JARID2: variants seen among roughly 807,000 people sequenced by gnomAD.
JARID2 encodes jumonji and AT-rich interaction domain containing 2.
JARID2 carries 21 observed loss-of-function variants against 125.6 expected under a neutral mutation model. That is an observed-to-expected ratio of 0.17 (90% CI 0.12 to 0.24). The LOEUF (loss-of-function observed/expected upper bound fraction) is 0.24. Among genes scored for constraint, JARID2 ranks in the 10% least tolerant of loss-of-function variants. The pLI is 1.00. For synonymous variants in JARID2, 736 were observed against 661.6 expected, an observed-to-expected ratio of 1.11 and a Z score of -1.73; for missense variants, 1,303 against 1,639.6, an observed-to-expected ratio of 0.79 and a Z score of 3.55.
intron 5 of JARID2, among the ~76,000 whole-genome samples, chr6:15,486,346 C>G (rs1476343800): frequency 6.6e-6 from 1 of 152,244 alleles, no homozygotes; most frequent in Non-Finnish European, 1.5e-5. Flanking sequence ...CCAAGCATCC[C>G]TGTTCTCTTT....
At chr6:15,386,140 T>C (rs539084378) in intron 2 of JARID2, among the ~76,000 whole-genome samples, 36 of 152,262 alleles carry the variant, frequency 2.4e-4, no homozygotes, top group African/African-American at 8.7e-4. Context: ...GGGCCTTAGG[T>C]GTTAAGCAGC....
chr6:15,369,374 A>G, intron 1 of JARID2: 1 of 407,936 alleles, frequency 2.5e-6, no homozygotes, highest in Non-Finnish European at 5.0e-6. Context: ...TTGATAAGAA[A>G]TTCTATTATT....
At chr6:15,297,708 C>T (rs73361549) in intron 1 of JARID2, among the ~76,000 whole-genome samples, 4,182 of 152,144 alleles carry the variant, frequency 0.027, 203 homozygotes, top group African/African-American at 0.095. Context: ...CTCATCCTTT[C>T]CTTTACAGGA....
intron 3 of JARID2, among the ~76,000 whole-genome samples, chr6:15,412,616 T>C (rs1219016760): frequency 2.0e-5 from 3 of 152,196 alleles, no homozygotes; most frequent in Non-Finnish European, 4.4e-5. Flanking sequence ...CATGCATTTC[T>C]TGGGGTGTTG....
chr6:15,483,517 A>G (rs1053531876), intron 5 of JARID2, among the ~76,000 whole-genome samples: 1 of 152,152 alleles, frequency 6.6e-6, no homozygotes, highest in Non-Finnish European at 1.5e-5. Flanking sequence ...TTTTAAAAAT[A>G]TATTTTGTTG....
intron 1 of JARID2, among the ~76,000 whole-genome samples, chr6:15,257,956 G>A (rs1759730998): frequency 6.6e-6 from 1 of 152,210 alleles, no homozygotes; most frequent in African/African-American, 2.4e-5. Context: ...GCTCCAGAAG[G>A]GAAGGGAAAG....
chr6:15,422,451 G>A (rs1766539063), intron 3 of JARID2, among the ~76,000 whole-genome samples: 1 of 152,168 alleles, frequency 6.6e-6, no homozygotes. Context: ...GTCTGAGGTT[G>A]GATAGCACAG....
chr6:15,275,414 C>T (rs962406995), intron 1 of JARID2, among the ~76,000 whole-genome samples: 2 of 151,806 alleles, frequency 1.3e-5, no homozygotes, highest in African/African-American at 4.8e-5. Flanking sequence ...AATTCACAGT[C>T]ACCTGTAATT....
chr6:15,497,691 C>T (rs1238950715), intron 7 of JARID2, among the ~76,000 whole-genome samples: 1 of 150,604 alleles, frequency 6.6e-6, no homozygotes, highest in Non-Finnish European at 1.5e-5. Flanking sequence ...CTGGGGTGAG[C>T]CCCCACTCTG....
At chr6:15,285,107 T>G (rs1163692873) in intron 1 of JARID2, among the ~76,000 whole-genome samples, 25 of 65,506 alleles carry the variant, frequency 3.8e-4, no homozygotes, top group South Asian at 1.2e-3. Context: ...TCTTTCTGGG[T>G]TTTTTTTTTT....
chr6:15,496,478 G>T lies in JARID2; in HGVS notation c.1253G>T (p.Cys418Phe). The part of the protein sequence containing the change: ...KVSGRLNPKS[C>F]TKEVGGRQLR... ...AGTGGCAGGTTGAACCCAAAGTCAT[G>T]CACTAAGGAGGTGGGGGGGCGGCAG... The change falls in exon 7 of 18, where the codon TGC becomes TTC. Residue 418 changes from cysteine (C) to phenylalanine (F), a missense_variant. Cys to Phe is a radical substitution (Grantham distance 205). Transcript: ENST00000341776. The T allele has an allele frequency of 6.2e-7, 1 of 1,612,350 alleles. No homozygotes were observed. Among genetic ancestry groups the T allele is most frequent in the Non-Finnish European group, 8.5e-7 (1 of 1,179,144 alleles).
At chr6:15,281,262 G>A (rs1196774769) in intron 1 of JARID2, among the ~76,000 whole-genome samples, 2 of 152,176 alleles carry the variant, frequency 1.3e-5, no homozygotes, top group South Asian at 4.1e-4. Flanking sequence ...GGTGAACTAC[G>A]AAGTCATTTT....
chr6:15,292,394 A>G (rs1761260877), intron 1 of JARID2, among the ~76,000 whole-genome samples: 1 of 152,140 alleles, frequency 6.6e-6, no homozygotes, highest in South Asian at 2.1e-4. Flanking sequence ...TTTTCTATAC[A>G]GTGAATGTAC....
At chr6:15,256,747 G>A (rs1759680592) in intron 1 of JARID2, among the ~76,000 whole-genome samples, 1 of 152,162 alleles carries the variant, frequency 6.6e-6, no homozygotes, top group Admixed American at 6.5e-5. Context: ...CTGTTGGCTG[G>A]TCTCCTCGCA....
chr6:15,469,879 G>A (rs1276163510), intron 5 of JARID2, among the ~76,000 whole-genome samples: 1 of 152,086 alleles, frequency 6.6e-6, no homozygotes, highest in Non-Finnish European at 1.5e-5. Context: ...GGGAATGAGA[G>A]TAAGAAAAGA....
At chr6:15,483,877 A>C (rs868170537) in intron 5 of JARID2, among the ~76,000 whole-genome samples, 1 of 152,184 alleles carries the variant, frequency 6.6e-6, no homozygotes, top group Non-Finnish European at 1.5e-5. Context: ...TGAGGGTTAC[A>C]GTTTCTCCAC....
At chr6:15,517,862 T>G (rs1039101361) in intron 17 of JARID2, among the ~76,000 whole-genome samples, 1 of 152,236 alleles carries the variant, frequency 6.6e-6, no homozygotes, top group Non-Finnish European at 1.5e-5. Flanking sequence ...CCACGTGTGC[T>G]TCCCACAGAC....
At chr6:15,254,347 C>T (rs1348411032) in intron 1 of JARID2, among the ~76,000 whole-genome samples, 1 of 152,078 alleles carries the variant, frequency 6.6e-6, no homozygotes, top group South Asian at 2.1e-4. Flanking sequence ...TTGACTTTTT[C>T]TTGTACTTGT....
intron 3 of JARID2, among the ~76,000 whole-genome samples, chr6:15,450,999 CA>C (rs755664079): frequency 6.6e-6 from 1 of 152,046 alleles, no homozygotes; most frequent in Admixed American, 6.6e-5. Context: ...CTCACCTCTA[CA>C]AAAAATACCA....
Sources: gnomAD v4.1 joint callset for allele counts (sites outside exome capture counted in the v4.1 genomes callset) on GRCh38, gnomAD v4.1.1 for gene constraint, MANE v1.5 for transcripts, NCBI Gene and HGNC (gene_info 2026-07-23, HGNC 2026-07-21) for gene names.